Variants in PTPN2 observed in about 807,000 individuals in gnomAD.
PTPN2 encodes tyrosine-protein phosphatase non-receptor type 2.
In PTPN2, 19 loss-of-function variants were observed where a neutral mutation model predicts 57.3. The ratio of observed to expected loss-of-function variants is 0.33; its 90% confidence interval spans 0.23 to 0.49. The LOEUF is 0.49. Ranked by LOEUF, PTPN2 falls within the 20% of genes least tolerant of loss-of-function variation. The pLI is 0.99. For missense variants in PTPN2, 358 were observed against 501.1 expected (o/e 0.71, Z 2.73); for synonymous variants, 153 against 164.9 (o/e 0.93, Z 0.55).
chr18:12,854,220 C>T (rs2043495508), intron 2 of PTPN2, among the ~76,000 whole-genome samples: 1 of 151,796 alleles, frequency 6.6e-6, no homozygotes, highest in African/African-American at 2.4e-5. Flanking sequence ...ACTAGCTCAG[C>T]ATGGTGGCAT....
At chr18:12,826,058 C>A in intron 4 of PTPN2, 114 bp from the exon 5 acceptor site, 2 of 797,088 alleles carry the variant, frequency 2.5e-6, no homozygotes, top group Admixed American at 3.0e-5. Flanking sequence ...TTCAAGTACC[C>A]AAAACTAAGA....
At chr18:12,864,874 G>A (rs1186754836) in intron 1 of PTPN2, among the ~76,000 whole-genome samples, 1 of 152,138 alleles carries the variant, frequency 6.6e-6, no homozygotes, top group Admixed American at 6.5e-5. Context: ...AAATAATGCT[G>A]GGTTGAAATG....
At chr18:12,797,506 CA>C (rs1568079342) in intron 8 of PTPN2, among the ~76,000 whole-genome samples, 1 of 152,090 alleles carries the variant, frequency 6.6e-6, no homozygotes, top group Non-Finnish European at 1.5e-5. Context: ...AAGAATGGAA[CA>C]GAGGTTTTTG....
intron 5 of PTPN2, among the ~76,000 whole-genome samples, chr18:12,824,819 C>T (rs1358039849): frequency 6.6e-6 from 1 of 152,146 alleles, no homozygotes; most frequent in Non-Finnish European, 1.5e-5. Flanking sequence ...GGCATGGTGG[C>T]TCATGACTGT....
intron 2 of PTPN2, among the ~76,000 whole-genome samples, chr18:12,838,459 A>G (rs988946602): frequency 2.0e-5 from 3 of 152,162 alleles, no homozygotes; most frequent in African/African-American, 4.8e-5. Context: ...ATTCACTGCT[A>G]TTTTCCTTCT....
At chr18:12,872,811 G>A (rs1050541746) in intron 1 of PTPN2, among the ~76,000 whole-genome samples, 1 of 152,230 alleles carries the variant, frequency 6.6e-6, no homozygotes, top group Non-Finnish European at 1.5e-5. Context: ...TAGTAGTACT[G>A]TACCGTACAT....
rs577688691 is a variant in PTPN2 at position 12,832,608 on chromosome 18, C to A, written c.262-1567G>T. 2.0e-5 allele frequency among the ~76,000 whole-genome samples: 3 copies of A among 152,228 alleles called. No homozygotes were observed. In the South Asian group the frequency reaches 6.2e-4, roughly 32 times the overall value. The stretch of plus-strand genomic sequence containing the variant: ...ACTTATTTTTCTATTACTTGATCTA[C>A]TTCTAAAACAAAACACAGTCTAAAG... On this transcript the variant is annotated intron_variant, in intron 3 of 8. Transcript: ENST00000309660.
intron 5 of PTPN2, among the ~76,000 whole-genome samples, chr18:12,824,912 C>T (rs2042395984): frequency 6.6e-6 from 1 of 152,076 alleles, no homozygotes; most frequent in East Asian, 1.9e-4. Context: ...AAGGCAAGAC[C>T]CCATCTCTAT....
chr18:12,843,088 G>A (rs2040864149), intron 2 of PTPN2, among the ~76,000 whole-genome samples: 1 of 152,134 alleles, frequency 6.6e-6, no homozygotes, highest in African/African-American at 2.4e-5. Flanking sequence ...GGAGTTTGAG[G>A]GATCTAAAGA....
chr18:12,848,738 G>A (rs1031944862), intron 2 of PTPN2, among the ~76,000 whole-genome samples: 11 of 152,244 alleles, frequency 7.2e-5, no homozygotes, highest in Admixed American at 1.3e-4. Context: ...CCTATGTGGG[G>A]TTAGTCAACC....
At chr18:12,808,939 A>C (rs1444676817) in intron 7 of PTPN2, among the ~76,000 whole-genome samples, 1 of 152,226 alleles carries the variant, frequency 6.6e-6, no homozygotes, top group Non-Finnish European at 1.5e-5. Flanking sequence ...TAGTCACCAC[A>C]GTGGTGCTTG....
intron 2 of PTPN2, 134 bp from the exon 3 acceptor site, chr18:12,837,025 C>A: frequency 1.6e-6 from 1 of 615,570 alleles, no homozygotes; most frequent in Non-Finnish European, 2.8e-6. Flanking sequence ...AGAGTTGAGA[C>A]AAATCCTAAA....
chr18:12,870,845 T>G (rs1339681279), intron 1 of PTPN2, among the ~76,000 whole-genome samples: 1 of 152,052 alleles, frequency 6.6e-6, no homozygotes, highest in Non-Finnish European at 1.5e-5. Context: ...TTACATATAT[T>G]TATATACATA....
chr18:12,874,335 G>A (rs1239038333), intron 1 of PTPN2, among the ~76,000 whole-genome samples: 23 of 136,878 alleles, frequency 1.7e-4, no homozygotes, highest in South Asian at 2.4e-4. Flanking sequence ...CAGCCGCCCC[G>A]TCTGGGAGGT....
chr18:12,785,862 A>C, intron 9 of PTPN2: 1 of 1,590,988 alleles, frequency 6.3e-7, no homozygotes, highest in Non-Finnish European at 8.6e-7. Flanking sequence ...ATAAAATAAG[A>C]AGTCATCTAT....
chr18:12,870,396 TATATAC>T (rs2044189414), intron 1 of PTPN2, among the ~76,000 whole-genome samples: 27 of 83,710 alleles, frequency 3.2e-4, no homozygotes, highest in Non-Finnish European at 4.8e-4. Context: ...TATATATGTA[TATATAC>T]ACGTATATAT....
chr18:12,870,298 T>TGG (rs2044157115), intron 1 of PTPN2, among the ~76,000 whole-genome samples: 1 of 90,866 alleles, frequency 1.1e-5, no homozygotes, highest in African/African-American at 7.0e-5. Flanking sequence ...TACATATATA[T>TGG]GTGTATATAT....
At chr18:12,870,022 G>T (rs1229206379) in intron 1 of PTPN2, among the ~76,000 whole-genome samples, 1 of 151,812 alleles carries the variant, frequency 6.6e-6, no homozygotes, top group Non-Finnish European at 1.5e-5. Flanking sequence ...CCCTGGTGGA[G>T]TAAGTTCTTT....
chr18:12,789,939 C>T (rs566427305), downstream of PTPN2, among the ~76,000 whole-genome samples: 2 of 150,712 alleles, frequency 1.3e-5, no homozygotes, highest in African/African-American at 4.9e-5. Flanking sequence ...GAGAGAGAGA[C>T]AAATATACAG....
Sources: gnomAD v4.1 joint callset for allele counts (sites outside exome capture counted in the v4.1 genomes callset) on GRCh38, gnomAD v4.1.1 for gene constraint, MANE v1.5 for transcripts, NCBI Gene and HGNC (gene_info 2026-07-23, HGNC 2026-07-21) for gene names.